The following CTNNA3 variants were observed in gnomAD, a reference collection of about 807,000 sequenced individuals.
The protein encoded by CTNNA3 is catenin alpha-3.
Under a neutral mutation model 95.7 loss-of-function variants are expected in CTNNA3, and 76 were observed. The observed-to-expected ratio is 0.79, with a 90% confidence interval of 0.66 to 0.96. The LOEUF (loss-of-function observed/expected upper bound fraction) is 0.96. CTNNA3 is among the 40% of genes least tolerant of loss of function. The pLI is 0.00. For missense variants in CTNNA3, 1,191 were observed against 1,089.8 expected (o/e 1.09, Z -1.31); for synonymous variants, 431 against 374.4 (o/e 1.15, Z -1.74).
intron 9 of CTNNA3, among the ~76,000 whole-genome samples, chr10:66,688,544 C>G (rs759095535): frequency 8.5e-5 from 13 of 152,186 alleles, no homozygotes; most frequent in Non-Finnish European, 1.8e-4. Context: ...TTCTCTGACA[C>G]TATCTACAGT....
Position 67,726,893 on chromosome 10 carries a change from CAT to C in CTNNA3, c.-2+36539_-2+36540del, listed in dbSNP as rs1475643735. ...TTATATATTATATATAATGATACAT[CAT>C]ATATGATACATTATATACATATGAT... On this transcript the variant is annotated intron_variant, in intron 1 of 17. Transcript: ENST00000684154. Among the ~76,000 whole-genome samples, 5 of 110,782 alleles carry C rather than the reference CAT, an allele frequency of 4.5e-5. No individual in the cohort carries two copies. In the East Asian group the frequency reaches 7.6e-4, roughly 17 times the overall value. 72.7% of individuals were successfully genotyped at this position (110,782 alleles called of 152,430 possible). A position where few individuals can be genotyped will look rare whatever the true frequency, so the allele number is the denominator to read the frequency against.
intron 5 of CTNNA3, among the ~76,000 whole-genome samples, chr10:67,497,183 T>C (rs570792263): frequency 2.6e-5 from 4 of 152,284 alleles, no homozygotes; most frequent in African/African-American, 9.6e-5. Context: ...ACATGCAGTG[T>C]TTGGTTTTCT....
rs116443934 is a variant in CTNNA3, at chr10:66,279,957, A to G, written c.1884+513T>C. Reference sequence around the variant, plus strand: ...AGGTGGAATATATGTCCCCAAACAGACAACTCCCAGACTGGGACCCTTGAA... The same window carrying G: ...AGGTGGAATATATGTCCCCAAACAGGCAACTCCCAGACTGGGACCCTTGAA... On this transcript the variant is annotated intron_variant, in intron 13 of 17. Transcript: ENST00000433211. Among the ~76,000 whole-genome samples the G allele has an allele frequency of 8.0e-3, 1,223 of 152,062 alleles. 13 individuals are homozygous for G. Among genetic ancestry groups the G allele is most frequent in the African/African-American group, 0.028 (1,163 of 41,498 alleles).
At position 67,647,146 on chromosome 10, in the gene CTNNA3, TTATATATATATA is replaced by T. The variant is rs67324505; in HGVS notation, c.99+257_99+268del. Among the ~76,000 whole-genome samples the T allele has an allele frequency of 0.14, 19,300 of 136,462 alleles. 2,356 individuals are homozygous for T. The highest frequency in any genetic ancestry group is 0.33 in the African/African-American group (12,688 of 38,864). 89.5% of individuals were successfully genotyped at this position (136,462 alleles called of 152,430 possible). The stretch of plus-strand genomic sequence containing the variant: ...AATTTATATAAAGGTACTCTGAAAA[TTATATATATATA>T]TATATATATATATATATATTATTAC... On this transcript the variant is annotated intron_variant, in intron 2 of 17. Transcript: ENST00000433211.
At chr10:67,274,170 G>C (rs1289869429) in intron 5 of CTNNA3, among the ~76,000 whole-genome samples, 1 of 152,122 alleles carries the variant, frequency 6.6e-6, no homozygotes, top group Non-Finnish European at 1.5e-5. Context: ...TCTCACAACT[G>C]TTCTTAGTTC....
chr10:67,594,763 C>A (rs1406919896), intron 3 of CTNNA3, among the ~76,000 whole-genome samples: 1 of 151,872 alleles, frequency 6.6e-6, no homozygotes, highest in Non-Finnish European at 1.5e-5. Flanking sequence ...TTTGGAGGAA[C>A]AGGTGGCATT....
chr10:66,134,400 A>G (rs2083258330), intron 13 of CTNNA3, among the ~76,000 whole-genome samples: 1 of 152,146 alleles, frequency 6.6e-6, no homozygotes, highest in Admixed American at 6.5e-5. Context: ...CTGTATGAGA[A>G]GTTCATTATT....
At chr10:66,589,665 C>T (rs967607424) in intron 10 of CTNNA3, among the ~76,000 whole-genome samples, 6 of 152,102 alleles carry the variant, frequency 3.9e-5, no homozygotes, top group African/African-American at 1.4e-4. Flanking sequence ...TAAGAAATGG[C>T]ATACAAGTTG....
intron 11 of CTNNA3, among the ~76,000 whole-genome samples, chr10:66,437,948 T>C (rs2093349724): frequency 6.6e-6 from 1 of 152,166 alleles, no homozygotes; most frequent in African/African-American, 2.4e-5. Context: ...CTTCTAACAG[T>C]CAGGCCCCTC....
chr10:66,158,419 C>T (rs1052366092), intron 13 of CTNNA3, among the ~76,000 whole-genome samples: 2 of 151,970 alleles, frequency 1.3e-5, no homozygotes, highest in Non-Finnish European at 2.9e-5. Flanking sequence ...GTCCTTTCCC[C>T]ACTTTATGTT....
intron 11 of CTNNA3, among the ~76,000 whole-genome samples, chr10:66,429,827 C>A (rs1474272205): frequency 6.6e-6 from 1 of 152,010 alleles, no homozygotes; most frequent in East Asian, 1.9e-4. Context: ...GAAACATTCC[C>A]TTTGAAAACT....
chr10:67,297,779 G>T (rs912375894), intron 5 of CTNNA3, among the ~76,000 whole-genome samples: 1 of 152,164 alleles, frequency 6.6e-6, no homozygotes, highest in African/African-American at 2.4e-5. Flanking sequence ...CACTGGATTC[G>T]ATAACACCTT....
intron 7 of CTNNA3, among the ~76,000 whole-genome samples, chr10:66,981,688 G>A (rs1337373602): frequency 6.6e-6 from 1 of 152,212 alleles, no homozygotes; most frequent in East Asian, 1.9e-4. Flanking sequence ...TATTATGCAA[G>A]ACATCAAATG....
chr10:66,520,058 G>T (rs542221825), intron 11 of CTNNA3, among the ~76,000 whole-genome samples: 2 of 151,964 alleles, frequency 1.3e-5, no homozygotes, highest in African/African-American at 4.8e-5. Flanking sequence ...CCATGAATAG[G>T]AGTTTCTTTT....
intron 13 of CTNNA3, among the ~76,000 whole-genome samples, chr10:66,206,813 T>G (rs2087787568): frequency 6.6e-6 from 1 of 151,888 alleles, no homozygotes; most frequent in African/African-American, 2.4e-5. Context: ...TAACTACTCT[T>G]TTGTAAGCTT....
chr10:66,631,417 A>G (rs1169626149), intron 9 of CTNNA3, among the ~76,000 whole-genome samples: 1 of 152,212 alleles, frequency 6.6e-6, no homozygotes, highest in Non-Finnish European at 1.5e-5. Flanking sequence ...AATAAAAAAT[A>G]ATAATAAAGC....
At chr10:67,482,180 T>C (rs201410634) in intron 5 of CTNNA3, among the ~76,000 whole-genome samples, 19,379 of 147,578 alleles carry the variant, frequency 0.13, 1,930 homozygotes, top group East Asian at 0.32. Context: ...AGTCAGGTAG[T>C]GTGATGCCTC....
intron 11 of CTNNA3, among the ~76,000 whole-genome samples, chr10:66,389,145 C>T (rs2092916219): frequency 6.6e-6 from 1 of 152,052 alleles, no homozygotes; most frequent in Non-Finnish European, 1.5e-5. Flanking sequence ...TCTCTTTAGA[C>T]TTTGCTTCTG....
intron 7 of CTNNA3, among the ~76,000 whole-genome samples, chr10:67,069,051 A>C (rs1856271413): frequency 7.7e-6 from 1 of 130,270 alleles, no homozygotes; most frequent in Admixed American, 7.7e-5. Flanking sequence ...AAGACAGGAA[A>C]AAAAATATAT....
Sources: allele counts gnomAD v4.1 joint callset (sites outside exome capture counted in the v4.1 genomes callset), GRCh38; gene constraint gnomAD v4.1.1; transcripts MANE v1.5; gene names NCBI Gene and HGNC (gene_info 2026-07-23, HGNC 2026-07-21).